SPTBN1: variants seen among roughly 807,000 people sequenced by gnomAD.
The protein encoded by SPTBN1 is spectrin beta chain, non-erythrocytic 1.
In SPTBN1, 32 loss-of-function variants were observed where a neutral mutation model predicts 266.4. The ratio of observed to expected loss-of-function variants is 0.12; its 90% confidence interval spans 0.09 to 0.16. The LOEUF (loss-of-function observed/expected upper bound fraction) is 0.16, where lower values mean the gene tolerates loss of function less well. SPTBN1 is among the 10% of genes least tolerant of loss of function. The pLI, the probability that SPTBN1 is intolerant of heterozygous loss-of-function variation, is 1.00. For missense variants in SPTBN1, 2,296 were observed against 3,067.1 expected (o/e 0.75, Z 5.94); for synonymous variants, 1,336 against 1,162.2 (o/e 1.15, Z -3.04).
chr2:54,551,949 C>T lies in SPTBN1; in HGVS notation c.148+25383C>T, dbSNP rs1353849353. Reference sequence around the variant, plus strand: ...CTTGTTTCATAGTAAGTATTGTGTTCTGGTTATCTCTGAGGTGTCACTGCT... The same window carrying T: ...CTTGTTTCATAGTAAGTATTGTGTTTTGGTTATCTCTGAGGTGTCACTGCT... On this transcript the variant is annotated intron_variant, in intron 2 of 35. Transcript: ENST00000356805. 4.6e-5 allele frequency among the ~76,000 whole-genome samples: 7 copies of T among 151,986 alleles called. No individual in the cohort carries two copies. The East Asian group carries it at 9.6e-4, about 21-fold the overall frequency.
chr2:54,660,612 G>T (rs576176044), intron 32 of SPTBN1: 1 of 985,514 alleles, frequency 1.0e-6, no homozygotes, highest in Non-Finnish European at 1.2e-6. Flanking sequence ...TGACAAAAAA[G>T]GGAGTCAGAT....
At chr2:54,661,626 CA>C in intron 32 of SPTBN1, 2 of 985,704 alleles carry the variant, frequency 2.0e-6, no homozygotes, top group African/African-American at 1.7e-5. Context: ...TCATTTTAGA[CA>C]AAAAAACTTC....
intron 4 of SPTBN1, among the ~76,000 whole-genome samples, chr2:54,614,648 C>G (rs954914069): frequency 6.6e-6 from 1 of 151,908 alleles, no homozygotes; most frequent in Non-Finnish European, 1.5e-5. Context: ...ACTAAAAATA[C>G]AAAAATTAGC....
At chr2:54,640,016 C>G (rs1205574438) in intron 18 of SPTBN1, among the ~76,000 whole-genome samples, 1 of 152,116 alleles carries the variant, frequency 6.6e-6, no homozygotes, top group Non-Finnish European at 1.5e-5. Flanking sequence ...GTGTCCCACA[C>G]CAGCATGTAT....
chr2:54,605,532 A>G (rs1676779586), intron 3 of SPTBN1, among the ~76,000 whole-genome samples: 1 of 152,248 alleles, frequency 6.6e-6, no homozygotes, highest in African/African-American at 2.4e-5. Flanking sequence ...GTTGCTCAGT[A>G]AGTGGCAGCT....
In SPTBN1 at chr2:54,649,310, T is replaced by C. The variant is rs184080180; in HGVS notation, c.5202+120T>C. Reference sequence around the variant, plus strand: ...TGGACTCCAATCAGAGGTCTTGGGGTTTAGTTTTAAGGTGGTGTTTCTTTT... The same window carrying C: ...TGGACTCCAATCAGAGGTCTTGGGGCTTAGTTTTAAGGTGGTGTTTCTTTT... On this transcript the variant is annotated intron_variant, in intron 25 of 35. Transcript: ENST00000356805. This position sits in a 1 kb window ranked among gnomAD's most constrained non-coding sequence, Gnocchi z 6.7. The C allele has an allele frequency of 1.5e-5, 18 of 1,190,636 alleles. 1 individual carries two copies. In the East Asian group the frequency reaches 4.3e-4, roughly 29 times the overall value. The allele number at this position is 1,190,636 out of a possible 1,614,324, so 73.8% of individuals were successfully genotyped here.
intron 1 of SPTBN1, among the ~76,000 whole-genome samples, chr2:54,476,798 A>AT (rs772986233): frequency 1.8e-4 from 28 of 152,194 alleles, no homozygotes; most frequent in South Asian, 2.1e-4. Flanking sequence ...TTGAAGAGAG[A>AT]TTTTTTCTAT....
intron 18 of SPTBN1, among the ~76,000 whole-genome samples, chr2:54,639,293 A>AG (rs1458764991): frequency 6.6e-6 from 1 of 152,214 alleles, no homozygotes; most frequent in Non-Finnish European, 1.5e-5. Flanking sequence ...AAAGGGATGA[A>AG]GAGGTGTTTG....
In SPTBN1 at chr2:54,470,525, A is replaced by T. The variant is rs192331152; in HGVS notation, c.-48+14007A>T. On this transcript the variant is annotated intron_variant, in intron 1 of 35. Coordinates refer to ENST00000356805, the MANE Select transcript of SPTBN1 (RefSeq NM_003128.3). The stretch of plus-strand genomic sequence containing the variant: ...CAGAGCGTGAGTCTCAAATGTGCTA[A>T]TTAAATATGTTTTTTAGCAAGAATG... Among the ~76,000 whole-genome samples, 170 of 152,340 alleles carry T rather than the reference A, an allele frequency of 1.1e-3. 3 individuals are homozygous for T. Among genetic ancestry groups the T allele is most frequent in the Non-Finnish European group, 2.4e-4 (16 of 68,042 alleles).
At chr2:54,624,567 A>C (rs533494312) in intron 10 of SPTBN1, among the ~76,000 whole-genome samples, 142 of 152,336 alleles carry the variant, frequency 9.3e-4, no homozygotes, top group Non-Finnish European at 1.8e-3. Flanking sequence ...TTGTTTTCCA[A>C]GTACAACACA....
intron 30 of SPTBN1, among the ~76,000 whole-genome samples, chr2:54,658,885 C>G (rs1680850999): frequency 6.6e-6 from 1 of 152,192 alleles, no homozygotes; most frequent in Non-Finnish European, 1.5e-5. Flanking sequence ...TGCATAGTTA[C>G]TTTAGAAATT....
intron 18 of SPTBN1, among the ~76,000 whole-genome samples, chr2:54,642,454 C>T (rs558891824): frequency 2.0e-5 from 3 of 151,548 alleles, no homozygotes; most frequent in African/African-American, 7.3e-5. Flanking sequence ...CTTAGCCCTA[C>T]AGTGAGCAAG....
chr2:54,612,436 C>T, intron 4 of SPTBN1, 102 bp downstream of exon 4: 2 of 1,335,204 alleles, frequency 1.5e-6, no homozygotes, highest in Non-Finnish European at 2.0e-6. Flanking sequence ...TCGGGAAGAC[C>T]AGGTTGAAAG....
chr2:54,484,579 G>A (rs527337772), intron 1 of SPTBN1, among the ~76,000 whole-genome samples: 1 of 152,204 alleles, frequency 6.6e-6, no homozygotes, highest in Non-Finnish European at 1.5e-5. Flanking sequence ...GAAAGCCAGC[G>A]TTGATGACAA....
intron 1 of SPTBN1, among the ~76,000 whole-genome samples, chr2:54,503,762 A>G (rs1669400680): frequency 6.6e-6 from 1 of 152,226 alleles, no homozygotes; most frequent in Non-Finnish European, 1.5e-5. Context: ...ATAACTATTC[A>G]TCCCTCAGTA....
At chr2:54,527,154 TGAG>T (rs140774201) in intron 2 of SPTBN1, 17,954 of 152,214 alleles carry the variant, frequency 0.12, 1,143 homozygotes, top group Middle Eastern at 0.21. Flanking sequence ...CCAGTGAGGG[TGAG>T]GAGTGTTTTA....
intron 32 of SPTBN1, chr2:54,661,721 A>G (rs1286057114): frequency 2.0e-6 from 2 of 985,538 alleles, no homozygotes; most frequent in South Asian, 4.7e-5. Context: ...CTATATGTAT[A>G]TATGTGATGT....
In SPTBN1 at chr2:54,653,573, G is replaced by A. The variant is rs762022127; in HGVS notation, c.5578-36G>A. 3.7e-6 allele frequency: 6 copies of A among 1,605,204 alleles called. No homozygotes were observed. Among genetic ancestry groups the A allele is most frequent in the Admixed American group, 1.7e-5 (1 of 57,162 alleles). ...GGGGTGATGGTGGGAAGGCCGCCAT[G>A]GGCTGACCTGGCTCATCCCCTACAT... On this transcript the variant is annotated intron_variant, in intron 26 of 35. Transcript: ENST00000356805. The surrounding 1 kb of genome is among the most constrained non-coding windows in gnomAD (Gnocchi z 5.1).
chr2:54,566,344 C>T (rs1317738047), intron 2 of SPTBN1, among the ~76,000 whole-genome samples: 1 of 151,802 alleles, frequency 6.6e-6, no homozygotes, highest in Admixed American at 6.6e-5. Flanking sequence ...CCCACCACCA[C>T]GCCCAGCTAA....
Sources: gnomAD v4.1 joint callset for allele counts (sites outside exome capture counted in the v4.1 genomes callset) on GRCh38, gnomAD v4.1.1 for gene constraint, Gnocchi (gnomAD v3.1) non-coding constraint, MANE v1.5 for transcripts, NCBI Gene and HGNC (gene_info 2026-07-23, HGNC 2026-07-21) for gene names.